DNAH5: variants seen among roughly 807,000 people sequenced by gnomAD.
The protein encoded by DNAH5 is dynein axonemal heavy chain 5.
DNAH5 carries 372 observed loss-of-function variants against 518.2 expected under a neutral mutation model. That is an observed-to-expected ratio of 0.72 (90% CI 0.66 to 0.78). The LOEUF (loss-of-function observed/expected upper bound fraction) is 0.78, where lower values mean the gene tolerates loss of function less well. Ranked by LOEUF, DNAH5 falls within the 30% of genes least tolerant of loss-of-function variation. The probability of loss-of-function intolerance (pLI) is 0.00; values close to 1 mark genes in which losing one functional copy is unlikely to be tolerated. For missense variants in DNAH5, 5,523 were observed against 5,687.0 expected (o/e 0.97, Z 0.93); for synonymous variants, 2,039 against 2,025.9 (o/e 1.01, Z -0.17).
At chr5:13,704,407 G>T (rs748893410) in intron 76 of DNAH5, among the ~76,000 whole-genome samples, 8 of 152,146 alleles carry the variant, frequency 5.3e-5, no homozygotes, top group Non-Finnish European at 1.0e-4. Context: ...GGGTAAGTCT[G>T]TCTGATACCA....
chr5:13,958,079 T>C (rs925111451), intron 1 of DNAH5, among the ~76,000 whole-genome samples: 2 of 151,974 alleles, frequency 1.3e-5, no homozygotes, highest in African/African-American at 4.8e-5. Flanking sequence ...AGCATATCAA[T>C]TACATAGGCC....
intron 75 of DNAH5, among the ~76,000 whole-genome samples, chr5:13,709,730 A>G (rs987431010): frequency 3.9e-5 from 6 of 152,138 alleles, no homozygotes; most frequent in Non-Finnish European, 8.8e-5. Flanking sequence ...GAGTGCCCCA[A>G]CTGCAGAAGT....
intron 17 of DNAH5, among the ~76,000 whole-genome samples, chr5:13,888,529 T>A (rs903557297): frequency 6.6e-6 from 1 of 152,252 alleles, no homozygotes; most frequent in Non-Finnish European, 1.5e-5. Flanking sequence ...TTCTCCATAA[T>A]TGAATTATGA....
intron 38 of DNAH5, among the ~76,000 whole-genome samples, chr5:13,825,814 T>C (rs1239832562): frequency 6.6e-6 from 1 of 152,214 alleles, no homozygotes; most frequent in Non-Finnish European, 1.5e-5. Flanking sequence ...CTCAACATTA[T>C]TGAATTGTAC....
At chr5:14,000,453 G>A (rs753937211) in intron 1 of DNAH5, among the ~76,000 whole-genome samples, 35 of 152,120 alleles carry the variant, frequency 2.3e-4, no homozygotes, top group East Asian at 3.9e-4. Flanking sequence ...TTAGTGCTGC[G>A]GCCCTAGAAA....
Position 13,842,429 on chromosome 5 carries a change from A to AAGAGAGAGAGAGAGAGAG in DNAH5, c.5272-526_5272-525insCTCTCTCTCTCTCTCTCT, listed in dbSNP as rs1464737735. ...GCGAGAAAGAAAAGAAAAGAAAAGAAAGAAAGAAAGAAAGAAAGAAAGAAA... is the reference window on the plus strand; with the variant it reads ...GCGAGAAAGAAAAGAAAAGAAAAGAAAGAGAGAGAGAGAGAGAGAGAAAGAAAGAAAGAAAGAAAGAAA... On this transcript the variant is annotated intron_variant, in intron 32 of 78. Coordinates refer to ENST00000265104, the MANE Select transcript of DNAH5 (RefSeq NM_001369.3). Among the ~76,000 whole-genome samples, 20 of 55,600 alleles carry AAGAGAGAGAGAGAGAGAG rather than the reference A, an allele frequency of 3.6e-4. 1 individual carries two copies. The highest frequency in any genetic ancestry group is 1.5e-3 in the African/African-American group (20 of 13,110). The allele number at this position is 55,600 out of a possible 152,430, so 36.5% of individuals were successfully genotyped here. A position where few individuals can be genotyped will look rare whatever the true frequency, so the allele number is the denominator to read the frequency against.
chr5:13,832,207 C>G (rs1345663340), intron 35 of DNAH5, among the ~76,000 whole-genome samples: 5 of 152,222 alleles, frequency 3.3e-5, no homozygotes, highest in Non-Finnish European at 7.3e-5. Flanking sequence ...ACATCTCCAT[C>G]AACTCTGATC....
intron 1 of DNAH5, among the ~76,000 whole-genome samples, chr5:13,988,727 C>CTTTTTTTTTTTTTTTT (rs528130556): frequency 1.0e-4 from 13 of 126,626 alleles, no homozygotes; most frequent in African/African-American, 4.0e-4. Flanking sequence ...CAGCCCAAAT[C>CTTTTTTTTTTTTTTTT]TTTTTTTTTT....
At chr5:13,762,964 A>G (rs1751989060) in intron 59 of DNAH5, 63 bp from the exon 60 acceptor site, 2 of 1,340,656 alleles carry the variant, frequency 1.5e-6, no homozygotes, top group South Asian at 2.4e-5. Context: ...TACTTGCATC[A>G]TGCTCTCAAT....
intron 16 of DNAH5, 69 bp from the exon 17 acceptor site, chr5:13,891,190 C>T (rs1773173114): frequency 4.6e-6 from 7 of 1,521,516 alleles, no homozygotes; most frequent in Admixed American, 1.7e-5. Flanking sequence ...AAAATCAACA[C>T]TTGATTAAAT....
chr5:13,939,329 T>C (rs1446529050), intron 1 of DNAH5, among the ~76,000 whole-genome samples: 1 of 152,216 alleles, frequency 6.6e-6, no homozygotes, highest in Admixed American at 6.5e-5. Flanking sequence ...GGATCCATGC[T>C]GTTGTGCCTG....
chr5:13,840,903 T>C lies in DNAH5; in HGVS notation c.5709+3A>G. ...CATGCCACAGCATTTATAAAGAATT[T>C]ACCAGGTCATCAAAGATATCCCTTT... is the stretch of plus-strand genomic sequence containing the variant. On this transcript the variant is annotated splice_donor_region_variant and intron_variant, in intron 34 of 78. Transcript: ENST00000265104. The C allele has an allele frequency of 6.2e-7, 1 of 1,612,806 alleles. No individual in the cohort carries two copies. Among genetic ancestry groups the C allele is most frequent in the Non-Finnish European group, 8.5e-7 (1 of 1,178,770 alleles).
At chr5:13,713,138 C>CAT (rs764834118) in intron 75 of DNAH5, among the ~76,000 whole-genome samples, 50 of 142,082 alleles carry the variant, frequency 3.5e-4, no homozygotes, top group Non-Finnish European at 6.7e-4. Context: ...CACACACTGA[C>CAT]ATATATATAC....
At chr5:14,006,513 C>T (rs1784733475) in intron 1 of DNAH5, among the ~76,000 whole-genome samples, 1 of 152,170 alleles carries the variant, frequency 6.6e-6, no homozygotes, top group African/African-American at 2.4e-5. Flanking sequence ...GGTCACCCCT[C>T]GGTCTCTGTG....
chr5:13,850,904 G>T, intron 30 of DNAH5, 89 bp from the exon 31 acceptor site: 1 of 1,353,440 alleles, frequency 7.4e-7, no homozygotes, highest in Non-Finnish European at 1.1e-6. Flanking sequence ...GCTGAGGCTA[G>T]AGCTTTAACC....
intron 75 of DNAH5, among the ~76,000 whole-genome samples, chr5:13,710,439 A>G (rs1432601330): frequency 6.6e-6 from 1 of 152,196 alleles, no homozygotes; most frequent in African/African-American, 2.4e-5. Context: ...CTAGAGAAAC[A>G]AGAAGAAACC....
chr5:13,838,022 T>G (rs1314652225), intron 35 of DNAH5, among the ~76,000 whole-genome samples: 1 of 152,116 alleles, frequency 6.6e-6, no homozygotes, highest in Non-Finnish European at 1.5e-5. Context: ...TAATGAACAT[T>G]ATTTCTAATG....
intron 6 of DNAH5, among the ~76,000 whole-genome samples, chr5:13,920,021 A>G (rs536967413): frequency 9.8e-5 from 15 of 152,358 alleles, no homozygotes; most frequent in African/African-American, 3.4e-4. Flanking sequence ...CCTTGGAGGA[A>G]CATGGCCTTG....
In DNAH5 at chr5:13,811,721, A is replaced by G. The variant is rs965065396; in HGVS notation, c.7333T>C (p.Tyr2445His). The G allele has an allele frequency of 6.2e-7, 1 of 1,614,048 alleles. No homozygotes were observed. Among genetic ancestry groups the G allele is most frequent in the African/African-American group, 1.3e-5 (1 of 74,940 alleles). ...AAGGCCTCCAGCACCTCCATCTTGT[A>G]TTCTAAGTTCTGGATACAGAAGCGA... ...LYRFCIQNLE[Y>H]KMEVLEAFVI... Residue 2445 changes from tyrosine (Y) to histidine (H), a missense_variant, in exon 44 of 79, where the codon TAC becomes CAC. Tyr to His is a moderately conservative substitution (Grantham distance 83). Transcript: ENST00000265104.
Sources: allele counts gnomAD v4.1 joint callset (sites outside exome capture counted in the v4.1 genomes callset), GRCh38; gene constraint gnomAD v4.1.1; transcripts MANE v1.5; gene names NCBI Gene and HGNC (gene_info 2026-07-23, HGNC 2026-07-21).